TMEM132D: variants seen among roughly 807,000 people sequenced by gnomAD.
The protein encoded by TMEM132D is mature OL transmembrane protein.
TMEM132D carries 21 observed loss-of-function variants against 62.3 expected under a neutral mutation model. The ratio of observed to expected loss-of-function variants is 0.34; its 90% CI spans 0.24 to 0.49. The LOEUF is 0.49. Ranked by LOEUF, TMEM132D falls within the 20% of genes least tolerant of loss-of-function variation. TMEM132D has a pLI of 0.99. For synonymous variants in TMEM132D, 621 were observed against 575.6 expected, an observed-to-expected ratio of 1.08 and a Z score of -1.13; for missense variants, 1,346 against 1,402.8, an observed-to-expected ratio of 0.96 and a Z score of 0.65.
chr12:129,432,318 CTTGGAT>C (rs1872685724), intron 3 of TMEM132D, among the ~76,000 whole-genome samples: 1 of 35,726 alleles, frequency 2.8e-5, no homozygotes, highest in Non-Finnish European at 5.2e-5. Context: ...TGGATGGATG[CTTGGAT>C]GGATGGATGG....
intron 2 of TMEM132D, among the ~76,000 whole-genome samples, chr12:129,650,766 C>T (rs918529279): frequency 4.6e-5 from 7 of 152,106 alleles, no homozygotes; most frequent in African/African-American, 1.4e-4. Context: ...TGCAGATTTC[C>T]TCTTTTGTGA....
At chr12:129,566,764 A>G (rs1427468457) in intron 2 of TMEM132D, among the ~76,000 whole-genome samples, 1 of 152,196 alleles carries the variant, frequency 6.6e-6, no homozygotes, top group East Asian at 1.9e-4. Context: ...CTGATAAAAA[A>G]CATTTATAAT....
At chr12:129,389,535 A>G (rs929702393) in intron 3 of TMEM132D, among the ~76,000 whole-genome samples, 37 of 152,124 alleles carry the variant, frequency 2.4e-4, no homozygotes, top group African/African-American at 4.8e-5. Context: ...CAACACCAAC[A>G]CTAACAATAA....
chr12:129,883,713 G>A (rs1874672485), intron 1 of TMEM132D, among the ~76,000 whole-genome samples: 2 of 152,100 alleles, frequency 1.3e-5, no homozygotes, highest in Admixed American at 1.3e-4. Flanking sequence ...ACACATGGGG[G>A]AACAAAAGAG....
rs12298359 is a variant in TMEM132D, at chr12:129,126,775, A to C, written c.1444-42073T>G. ...TGCGATGGCTTTCTTGTATATTGCT[A>C]GCATAGAATTGATCAGTTAACTAGG... On this transcript the variant is annotated intron_variant, in intron 5 of 8. Transcript: ENST00000422113. 5.8e-3 allele frequency among the ~76,000 whole-genome samples: 886 copies of C among 152,322 alleles called. 8 individuals carry two copies. The highest frequency in any genetic ancestry group is 0.02 in the African/African-American group (841 of 41,570).
chr12:129,345,235 T>A (rs949973937), intron 3 of TMEM132D, among the ~76,000 whole-genome samples: 4 of 152,210 alleles, frequency 2.6e-5, no homozygotes, highest in African/African-American at 4.8e-5. Context: ...ATAATGTGAA[T>A]AAGAGAATTC....
At chr12:129,743,609 A>G (rs1869678223) in intron 1 of TMEM132D, among the ~76,000 whole-genome samples, 1 of 147,736 alleles carries the variant, frequency 6.8e-6, no homozygotes, top group Non-Finnish European at 1.5e-5. Flanking sequence ...GGACTAATGC[A>G]TCCCCCTACA....
At chr12:129,362,718 A>G (rs7958959) in intron 3 of TMEM132D, among the ~76,000 whole-genome samples, 2,279 of 152,126 alleles carry the variant, frequency 0.015, 52 homozygotes, top group African/African-American at 0.052. Flanking sequence ...GATGCCTTAA[A>G]CTCTTTCTGC....
At chr12:129,479,797 T>A (rs1874379560) in intron 3 of TMEM132D, among the ~76,000 whole-genome samples, 1 of 130,006 alleles carries the variant, frequency 7.7e-6, no homozygotes, top group Admixed American at 8.0e-5. Flanking sequence ...AAGTTCTCAC[T>A]GTGTCCTAGA....
chr12:129,186,982 A>G (rs1411886855), intron 5 of TMEM132D, among the ~76,000 whole-genome samples: 3 of 152,240 alleles, frequency 2.0e-5, no homozygotes, highest in Non-Finnish European at 4.4e-5. Context: ...TTGAACACCT[A>G]TTGTCAATTT....
intron 4 of TMEM132D, among the ~76,000 whole-genome samples, chr12:129,275,518 A>G (rs1409697771): frequency 2.0e-5 from 3 of 152,156 alleles, no homozygotes; most frequent in Non-Finnish European, 4.4e-5. Context: ...TAAAAAACAC[A>G]AACTACACGC....
At chr12:129,432,183 A>T (rs1435462912) in intron 3 of TMEM132D, among the ~76,000 whole-genome samples, 3 of 150,596 alleles carry the variant, frequency 2.0e-5, no homozygotes, top group African/African-American at 4.9e-5. Flanking sequence ...GGATGGATGG[A>T]TGGATGGATG....
chr12:129,571,626 G>A (rs1196550879), intron 2 of TMEM132D, among the ~76,000 whole-genome samples: 1 of 151,908 alleles, frequency 6.6e-6, no homozygotes, highest in African/African-American at 2.4e-5. Flanking sequence ...AAGACGGAGG[G>A]AGAGGAGACA....
intron 5 of TMEM132D, among the ~76,000 whole-genome samples, chr12:129,144,359 C>A (rs749594303): frequency 1.3e-5 from 2 of 152,132 alleles, no homozygotes; most frequent in African/African-American, 2.4e-5. Context: ...AAAATGATTT[C>A]TAACTTGCTT....
chr12:129,811,427 T>C (rs1481294342), intron 1 of TMEM132D, among the ~76,000 whole-genome samples: 1 of 151,576 alleles, frequency 6.6e-6, no homozygotes, highest in African/African-American at 2.4e-5. Context: ...GTGATCCGGA[T>C]ACTCCGGGAC....
chr12:129,239,373 C>A (rs185449742), intron 4 of TMEM132D, among the ~76,000 whole-genome samples: 1 of 152,024 alleles, frequency 6.6e-6, no homozygotes, highest in Non-Finnish European at 1.5e-5. Flanking sequence ...ATCTAGGTTG[C>A]GTTAAATTTG....
intron 4 of TMEM132D, among the ~76,000 whole-genome samples, chr12:129,294,609 G>A (rs902302478): frequency 3.9e-5 from 6 of 152,170 alleles, no homozygotes; most frequent in South Asian, 4.1e-4. Flanking sequence ...GAGGGGATCC[G>A]TGGAGTCTAA....
At position 129,596,806 on chromosome 12, in the gene TMEM132D, C is replaced by T. The variant is rs185840232; in HGVS notation, c.969-65601G>A. ...TAAACTCCTGTTTGAATGTACCCAT[C>T]ACCCCATCCACCCCCCGCCAATAAA... On this transcript the variant is annotated intron_variant, in intron 2 of 8. Transcript: ENST00000422113. 1.9e-3 allele frequency among the ~76,000 whole-genome samples: 292 copies of T among 151,840 alleles called. 1 individual carries two copies. Among genetic ancestry groups the T allele is most frequent in the African/African-American group, 6.8e-3 (283 of 41,390 alleles).
At chr12:129,385,159 G>A (rs1332876428) in intron 3 of TMEM132D, among the ~76,000 whole-genome samples, 2 of 137,412 alleles carry the variant, frequency 1.5e-5, no homozygotes, top group African/African-American at 5.6e-5. Flanking sequence ...CAGTAGTAGT[G>A]CAGTGGTGCG....
Sources: allele counts gnomAD v4.1 joint callset (sites outside exome capture counted in the v4.1 genomes callset), GRCh38; gene constraint gnomAD v4.1.1; transcripts MANE v1.5; gene names NCBI Gene and HGNC (gene_info 2026-07-23, HGNC 2026-07-21).